The following IL1R1 variants were observed in gnomAD, a reference collection of about 807,000 sequenced individuals.
IL1R1 encodes the protein interleukin-1 receptor type 1.
A neutral mutation model predicts 50.2 loss-of-function variants in IL1R1; 22 were observed. The ratio of observed to expected loss-of-function variants is 0.44; its 90% CI spans 0.31 to 0.63. IL1R1 has a LOEUF of 0.63. IL1R1 is among the 20% of genes least tolerant of loss of function. IL1R1 has a pLI of 0.07. For missense variants in IL1R1, 509 were observed against 676.2 expected (o/e 0.75, Z 2.74); for synonymous variants, 251 against 236.7 (o/e 1.06, Z -0.55).
At chr2:102,072,804 C>T (rs980128833) in intron 1 of IL1R1, among the ~76,000 whole-genome samples, 8 of 151,952 alleles carry the variant, frequency 5.3e-5, no homozygotes, top group Admixed American at 1.3e-4. Flanking sequence ...CAAAAGTTTT[C>T]GCTTTTTTGT....
upstream of IL1R1, among the ~76,000 whole-genome samples, chr2:102,137,829 C>T (rs1386051054): frequency 6.6e-6 from 1 of 151,966 alleles, no homozygotes; most frequent in Non-Finnish European, 1.5e-5. Context: ...AGGAAGCCAC[C>T]TAGAGAAAAT....
intron 1 of IL1R1, among the ~76,000 whole-genome samples, chr2:102,143,779 C>T (rs1420562922): frequency 1.3e-5 from 2 of 152,328 alleles, no homozygotes; most frequent in African/African-American, 4.8e-5. Context: ...TGGGAAGGCA[C>T]GCAGATGCTG....
chr2:102,148,853 T>C (rs1228343729), intron 1 of IL1R1, among the ~76,000 whole-genome samples: 1 of 152,158 alleles, frequency 6.6e-6, no homozygotes, highest in Non-Finnish European at 1.5e-5. Flanking sequence ...ATGAATCTTA[T>C]AACAAAGGAA....
chr2:102,130,109 T>A (rs1251560418), intron 1 of IL1R1, among the ~76,000 whole-genome samples: 2 of 152,200 alleles, frequency 1.3e-5, no homozygotes, highest in Non-Finnish European at 2.9e-5. Flanking sequence ...AGTTCTCATA[T>A]CTGCTTCTGC....
At chr2:102,166,033 A>G in intron 5 of IL1R1, 80 bp from the exon 6 acceptor site, 1 of 1,251,728 alleles carries the variant, frequency 8.0e-7, no homozygotes, top group Non-Finnish European at 1.1e-6. Flanking sequence ...CTAAGGTGAA[A>G]AAAATGGAGC....
At chr2:102,081,528 T>C (rs1446729221) in intron 1 of IL1R1, among the ~76,000 whole-genome samples, 2 of 152,190 alleles carry the variant, frequency 1.3e-5, no homozygotes, top group Non-Finnish European at 2.9e-5. Flanking sequence ...TTAGACTAAC[T>C]GTACAAGGGA....
intron 1 of IL1R1, among the ~76,000 whole-genome samples, chr2:102,075,668 C>T (rs1276392915): frequency 6.6e-6 from 1 of 152,168 alleles, no homozygotes; most frequent in African/African-American, 2.4e-5. Flanking sequence ...TACCTGATTG[C>T]CTACTGCACT....
At chr2:102,072,984 A>C (rs1176728951) in intron 1 of IL1R1, among the ~76,000 whole-genome samples, 1 of 152,172 alleles carries the variant, frequency 6.6e-6, no homozygotes, top group African/African-American at 2.4e-5. Flanking sequence ...GTGGGTATAG[A>C]AACTCCCTTT....
chr2:102,153,646 A>G (rs902259522), intron 1 of IL1R1, among the ~76,000 whole-genome samples: 2 of 152,126 alleles, frequency 1.3e-5, no homozygotes, highest in South Asian at 4.1e-4. Context: ...GTGAATTCTC[A>G]TGAGATCTGA....
At chr2:102,094,307 A>G (rs1475562443) in intron 1 of IL1R1, among the ~76,000 whole-genome samples, 3 of 152,202 alleles carry the variant, frequency 2.0e-5, no homozygotes, top group Non-Finnish European at 2.9e-5. Flanking sequence ...ATTAATACCA[A>G]TTGAAGCATT....
upstream of IL1R1, among the ~76,000 whole-genome samples, chr2:102,101,271 A>T (rs1680129303): frequency 6.6e-6 from 1 of 152,214 alleles, no homozygotes; most frequent in African/African-American, 2.4e-5. Context: ...CAGATGTAGA[A>T]ACTGAGATCC....
chr2:102,164,178 C>T (rs1453055593), intron 3 of IL1R1, among the ~76,000 whole-genome samples: 2 of 152,050 alleles, frequency 1.3e-5, no homozygotes, highest in African/African-American at 4.8e-5. Context: ...TCAGTTATCC[C>T]AAGACTCTTT....
intron 3 of IL1R1, among the ~76,000 whole-genome samples, chr2:102,160,613 C>T (rs1684630227): frequency 6.6e-6 from 1 of 152,118 alleles, no homozygotes; most frequent in Non-Finnish European, 1.5e-5. Context: ...CCTTATCCAA[C>T]TCTCACACAC....
rs112886897 is a variant in IL1R1 at position 102,088,342 on chromosome 2, A to G, written c.-84+17809A>G. On this transcript the variant is annotated intron_variant, in intron 1 of 11. Transcript: ENST00000409929. ...GTGTTAGCAGGCATGAAAAAACATTAATCTCTTTTTACATCTTCATCAGAG... is the reference window on the plus strand; with the variant it reads ...GTGTTAGCAGGCATGAAAAAACATTGATCTCTTTTTACATCTTCATCAGAG... Among the ~76,000 whole-genome samples the G allele has an allele frequency of 9.0e-3, 1,378 of 152,320 alleles. 21 individuals carry two copies. Among genetic ancestry groups the G allele is most frequent in the African/African-American group, 0.031 (1,292 of 41,566 alleles).
At chr2:102,164,415 A>G (rs967984818) in intron 3 of IL1R1, among the ~76,000 whole-genome samples, 1 of 151,698 alleles carries the variant, frequency 6.6e-6, no homozygotes, top group African/African-American at 2.4e-5. Context: ...TGTTTCATAT[A>G]TTTTGTCCAT....
At chr2:102,084,326 T>C (rs1306869994) in intron 1 of IL1R1, among the ~76,000 whole-genome samples, 1 of 152,220 alleles carries the variant, frequency 6.6e-6, no homozygotes, top group East Asian at 1.9e-4. Flanking sequence ...GATTCTTTTA[T>C]GGCCTGGTGG....
rs374961718 is a variant in IL1R1, at chr2:102,117,518, C to A, written c.-84+12646C>A. ...TCCAATTTCTTGGATCCTTAAATAG[C>A]TGCCAACATCGCTCTTCAGTTATTT... On this transcript the variant is annotated intron_variant, in intron 1 of 10. Coordinates refer to the IL1R1 transcript ENST00000409329. Among the ~76,000 whole-genome samples the A allele has an allele frequency of 6.7e-4, 102 of 152,334 alleles. 2 individuals are homozygous for A. In the South Asian group the frequency reaches 0.018, roughly 28 times the overall value.
intron 1 of IL1R1, among the ~76,000 whole-genome samples, chr2:102,081,501 T>G (rs771591891): frequency 2.6e-5 from 4 of 152,046 alleles, no homozygotes; most frequent in Non-Finnish European, 2.9e-5. Context: ...CATTCTAGAG[T>G]ACGAATGAGG....
chr2:102,102,254 G>A (rs1009314672), upstream of IL1R1, among the ~76,000 whole-genome samples: 8 of 152,192 alleles, frequency 5.3e-5, no homozygotes, highest in Admixed American at 4.6e-4. Context: ...CTGTTCCTGA[G>A]TAGATAAGAC....
Sources: allele counts gnomAD v4.1 joint callset (sites outside exome capture counted in the v4.1 genomes callset), GRCh38; gene constraint gnomAD v4.1.1; transcripts MANE v1.5; gene names NCBI Gene and HGNC (gene_info 2026-07-23, HGNC 2026-07-21).